Variants in SLC5A12 observed in about 807,000 individuals in gnomAD.
SLC5A12 encodes the protein solute carrier family 5 member 12, also known as sodium-coupled monocarboxylate transporter 2.
SLC5A12 carries 46 observed loss-of-function variants against 72.7 expected under a neutral mutation model. That is an observed-to-expected ratio of 0.63 (90% CI 0.50 to 0.81). The LOEUF (loss-of-function observed/expected upper bound fraction) is 0.81, where lower values mean the gene tolerates loss of function less well. Ranked by LOEUF, SLC5A12 falls within the 30% of genes least tolerant of loss-of-function variation. The probability of loss-of-function intolerance (pLI) is 0.00; values close to 1 mark genes in which losing one functional copy is unlikely to be tolerated. For synonymous variants in SLC5A12, 275 were observed against 264.4 expected (o/e 1.04, Z -0.39); for missense variants, 683 against 740.7 (o/e 0.92, Z 0.90).
intron 2 of SLC5A12, 61 bp downstream of exon 2, chr11:26,712,580 A>T: frequency 7.6e-7 from 1 of 1,308,650 alleles, no homozygotes; most frequent in Non-Finnish European, 1.0e-6. Context: ...CCCCCAAAAT[A>T]AACAAACCTA....
In SLC5A12 at chr11:26,692,665, T is replaced by G. The variant is rs190494003; in HGVS notation, c.1041-64A>C. 222 of 1,149,052 alleles carry G rather than the reference T, an allele frequency of 1.9e-4. 1 individual carries two copies. In the East Asian group the frequency reaches 5.1e-3, roughly 26 times the overall value. 71.2% of individuals were successfully genotyped at this position (1,149,052 alleles called of 1,614,324 possible). ...ATAAGGCGGAGCTACCAGCCTGCCC[T>G]CTTGTCCAGGGCAGATAGATAAGGC... On this transcript the variant is annotated intron_variant, in intron 8 of 14. Transcript: ENST00000396005.
At position 26,678,829 on chromosome 11, in the gene SLC5A12, C is replaced by A; in HGVS notation, c.1476-14G>T. 1 of 1,562,030 alleles carries A rather than the reference C, an allele frequency of 6.4e-7. No individual in the cohort carries two copies. On this transcript the variant is annotated splice_polypyrimidine_tract_variant and intron_variant, in intron 12 of 14. Transcript: ENST00000396005. Reference sequence around the variant, plus strand: ...GCTATTCCAGGTCTGTGGAGAACAGCACATGTCACCAATTCCATGCATCCT... The same window carrying A: ...GCTATTCCAGGTCTGTGGAGAACAGAACATGTCACCAATTCCATGCATCCT...
At chr11:26,679,233 A>G (rs1854335013) in intron 12 of SLC5A12, among the ~76,000 whole-genome samples, 1 of 152,118 alleles carries the variant, frequency 6.6e-6, no homozygotes, top group Non-Finnish European at 1.5e-5. Context: ...CCTCAGTAGA[A>G]AAGGTATAAA....
At chr11:26,678,025 T>C (rs1195594263) in intron 13 of SLC5A12, among the ~76,000 whole-genome samples, 1 of 152,150 alleles carries the variant, frequency 6.6e-6, no homozygotes, top group Non-Finnish European at 1.5e-5. Flanking sequence ...AGGGCAAGTA[T>C]GGATGGTAGA....
chr11:26,671,043 G>T lies in SLC5A12; in HGVS notation c.*59C>A. On this transcript the variant is annotated 3_prime_UTR_variant, in exon 15 of 15. Coordinates refer to ENST00000396005, the MANE Select transcript of SLC5A12 (RefSeq NM_178498.4). Reference sequence around the variant, plus strand: ...CTAACAAGTAGGCAAGAAGTATGTGGAGTTTGTGTGTGTGTGTGTGTATTG... The same window carrying T: ...CTAACAAGTAGGCAAGAAGTATGTGTAGTTTGTGTGTGTGTGTGTGTATTG... 1 of 1,462,540 alleles carries T rather than the reference G, an allele frequency of 6.8e-7. No individual in the cohort carries two copies. Among genetic ancestry groups the T allele is most frequent in the Non-Finnish European group, 9.2e-7 (1 of 1,082,440 alleles). 90.6% of individuals were successfully genotyped at this position (1,462,540 alleles called of 1,614,324 possible). A position where few individuals can be genotyped will look rare whatever the true frequency, so the allele number is the denominator to read the frequency against.
intron 8 of SLC5A12, among the ~76,000 whole-genome samples, chr11:26,695,727 A>G (rs1210556269): frequency 6.6e-6 from 1 of 152,128 alleles, no homozygotes; most frequent in East Asian, 1.9e-4. Context: ...TTTGTGTGTC[A>G]CTCACTCCCT....
rs548467775 is a variant in SLC5A12, at chr11:26,672,601, A to G, written c.1707+801T>C. ...CCTTCAGTGGGAACCCAAACCTTAC[A>G]AAAGACATGTTCTTCCTCCCTCTTG... On this transcript the variant is annotated intron_variant, in intron 14 of 14. Coordinates refer to ENST00000396005, the MANE Select transcript of SLC5A12 (RefSeq NM_178498.4). 1.1e-3 allele frequency among the ~76,000 whole-genome samples: 161 copies of G among 152,160 alleles called. 1 individual carries two copies. The highest frequency in any genetic ancestry group is 2.0e-3 in the Non-Finnish European group (139 of 67,982).
At chr11:26,672,585 G>A (rs530353033) in intron 14 of SLC5A12, among the ~76,000 whole-genome samples, 1 of 152,132 alleles carries the variant, frequency 6.6e-6, no homozygotes, top group Admixed American at 6.6e-5. Flanking sequence ...TCCTTCAGTG[G>A]GAACCCAAAC....
chr11:26,696,563 T>C (rs1854819228), intron 8 of SLC5A12, among the ~76,000 whole-genome samples: 1 of 152,374 alleles, frequency 6.6e-6, no homozygotes, highest in East Asian at 1.9e-4. Flanking sequence ...ACCTAGGGTA[T>C]ACGGTATAGC....
intron 6 of SLC5A12, among the ~76,000 whole-genome samples, chr11:26,703,189 A>G (rs1242260968): frequency 6.6e-6 from 1 of 152,170 alleles, no homozygotes; most frequent in Non-Finnish European, 1.5e-5. Flanking sequence ...CACATGCTAA[A>G]TCAAGTGAGG....
chr11:26,687,561 A>C (rs866968174), intron 9 of SLC5A12, among the ~76,000 whole-genome samples: 3 of 152,322 alleles, frequency 2.0e-5, no homozygotes, highest in South Asian at 4.1e-4. Context: ...TCTAGGAAGA[A>C]ACTGCTTGCA....
Position 26,668,288 on chromosome 11 carries a change from C to A in SLC5A12, c.*2814G>T, listed in dbSNP as rs1265971465. On this transcript the variant is annotated 3_prime_UTR_variant, in exon 15 of 15. Coordinates refer to ENST00000396005, the MANE Select transcript of SLC5A12 (RefSeq NM_178498.4). ...TGAGGTAATTCTGTTCCATTTTTAC[C>A]AATATCTGTGGTTGTGCTTTAAAGG... is the stretch of plus-strand genomic sequence containing the variant. The A allele has an allele frequency of 6.6e-6, 1 of 151,838 alleles. No homozygotes were observed. The highest frequency in any genetic ancestry group is 1.9e-4 in the East Asian group (1 of 5,180). The allele number at this position is 151,838 out of a possible 1,614,324, so 9.4% of individuals were successfully genotyped here.
chr11:26,673,138 A>T (rs928193688), intron 14 of SLC5A12, among the ~76,000 whole-genome samples: 1 of 152,144 alleles, frequency 6.6e-6, no homozygotes, highest in African/African-American at 2.4e-5. Flanking sequence ...CCTAGAATTC[A>T]CCTTCACAGG....
rs1196408919 is a variant in SLC5A12 at position 26,703,958 on chromosome 11, G to C, written c.526-11C>G. The C allele has an allele frequency of 2.5e-6, 4 of 1,613,124 alleles. No homozygotes were observed. The highest frequency in any genetic ancestry group is 3.4e-6 in the Non-Finnish European group (4 of 1,179,402). On this transcript the variant is annotated splice_polypyrimidine_tract_variant and intron_variant, in intron 4 of 14. Coordinates refer to ENST00000396005, the MANE Select transcript of SLC5A12 (RefSeq NM_178498.4). ...TGCTTTTAATCCTCCCTGAAATAGAGAGAATGTTTGAGTCCTTGAAAACAA... is the reference window on the plus strand; with the variant it reads ...TGCTTTTAATCCTCCCTGAAATAGACAGAATGTTTGAGTCCTTGAAAACAA...
chr11:26,689,373 C>T (rs546737355), intron 9 of SLC5A12, among the ~76,000 whole-genome samples: 4 of 152,026 alleles, frequency 2.6e-5, no homozygotes, highest in Non-Finnish European at 5.9e-5. Flanking sequence ...GCATTCCAGC[C>T]TGGGTAACAA....
chr11:26,683,946 C>A (rs1332395635), intron 10 of SLC5A12, 103 bp from the exon 11 acceptor site: 1 of 795,934 alleles, frequency 1.3e-6, no homozygotes, highest in Non-Finnish European at 2.0e-6. Flanking sequence ...GGTCCTAGTC[C>A]TGACTGTGCC....
chr11:26,696,207 T>A (rs1414275274), intron 8 of SLC5A12, among the ~76,000 whole-genome samples: 2 of 152,224 alleles, frequency 1.3e-5, no homozygotes, highest in Admixed American at 1.3e-4. Context: ...AAACTCTATA[T>A]AAGTGAGGAC....
chr11:26,701,306 T>C (rs1180788862), intron 6 of SLC5A12, among the ~76,000 whole-genome samples: 2 of 152,232 alleles, frequency 1.3e-5, no homozygotes, highest in East Asian at 3.8e-4. Flanking sequence ...TTTTTTCATC[T>C]TTCATTATTC....
At chr11:26,676,593 G>A (rs1165581704) in intron 13 of SLC5A12, among the ~76,000 whole-genome samples, 1 of 152,028 alleles carries the variant, frequency 6.6e-6, no homozygotes, top group Non-Finnish European at 1.5e-5. Context: ...GGATGTTTTG[G>A]CCACTTGATA....
Sources: gnomAD v4.1 joint callset for allele counts (sites outside exome capture counted in the v4.1 genomes callset) on GRCh38, gnomAD v4.1.1 for gene constraint, MANE v1.5 for transcripts, NCBI Gene and HGNC (gene_info 2026-07-23, HGNC 2026-07-21) for gene names.